The following EPC2 variants were observed in gnomAD, a reference collection of about 807,000 sequenced individuals.
EPC2 encodes the protein enhancer of polycomb 2, also known as enhancer of polycomb homolog 2.
A neutral mutation model predicts 92.1 loss-of-function variants in EPC2; 14 were observed. The ratio of observed to expected loss-of-function variants is 0.15; its 90% confidence interval spans 0.10 to 0.24. The LOEUF is 0.24. Among genes scored for constraint, EPC2 ranks in the 10% least tolerant of loss-of-function variants. EPC2 has a pLI of 1.00. For synonymous variants in EPC2, 340 were observed against 334.7 expected (o/e 1.02, Z -0.17); for missense variants, 755 against 971.5 (o/e 0.78, Z 2.96).
At chr2:148,770,521 T>C (rs1683496075) in intron 8 of EPC2, among the ~76,000 whole-genome samples, 2 of 152,228 alleles carry the variant, frequency 1.3e-5, no homozygotes, top group Non-Finnish European at 1.5e-5. Context: ...TTTTTAACTA[T>C]ATATTCCTTT....
chr2:148,765,266 T>A, intron 7 of EPC2, 120 bp downstream of exon 7: 1 of 593,806 alleles, frequency 1.7e-6, no homozygotes, highest in Non-Finnish European at 2.7e-6. Flanking sequence ...GTATATAGCA[T>A]AAACATTTCC....
chr2:148,663,591 GATT>G (rs1471452418), intron 1 of EPC2, among the ~76,000 whole-genome samples: 29 of 97,826 alleles, frequency 3.0e-4, no homozygotes, highest in Non-Finnish European at 4.6e-4. Flanking sequence ...TATAGATTAA[GATT>G]TTTTTTTTTT....
At chr2:148,756,985 G>A (rs1352943416) in intron 4 of EPC2, among the ~76,000 whole-genome samples, 1 of 152,228 alleles carries the variant, frequency 6.6e-6, no homozygotes, top group Non-Finnish European at 1.5e-5. Context: ...AGACGGTTGT[G>A]AGAAGGAGTA....
At chr2:148,705,949 A>G (rs539182280) in intron 2 of EPC2, among the ~76,000 whole-genome samples, 15 of 152,222 alleles carry the variant, frequency 9.9e-5, no homozygotes, top group Non-Finnish European at 1.8e-4. Flanking sequence ...TTCTCCTCCA[A>G]AGGATCACAG....
rs1265888203 is a variant in EPC2 at position 148,743,785 on chromosome 2, G to A, written c.459+18G>A. 37 of 1,504,924 alleles carry A rather than the reference G, an allele frequency of 2.5e-5. No homozygotes were observed. In the East Asian group the frequency reaches 9.2e-4, roughly 38 times the overall value. The allele number at this position is 1,504,924 out of a possible 1,614,324, so 93.2% of individuals were successfully genotyped here. On this transcript the variant is annotated intron_variant, in intron 3 of 13. Transcript: ENST00000258484. ...CTAATCAGGTACTGTACCATGTAAAGATGTCTCTTATCTTCTAGTTAACCC... is the reference window on the plus strand; with the variant it reads ...CTAATCAGGTACTGTACCATGTAAAAATGTCTCTTATCTTCTAGTTAACCC...
chr2:148,668,785 C>T (rs894743958), intron 1 of EPC2, among the ~76,000 whole-genome samples: 89 of 152,038 alleles, frequency 5.9e-4, no homozygotes, highest in African/African-American at 2.1e-3. Flanking sequence ...TTTTTTTCCC[C>T]CCTAATCTGG....
chr2:148,703,220 TTTAATTATTAGCCA>T (rs1189386781), intron 2 of EPC2, among the ~76,000 whole-genome samples: 2 of 152,212 alleles, frequency 1.3e-5, no homozygotes, highest in African/African-American at 4.8e-5. Context: ...ATCCTTAAGT[TTTAATTATTAGCCA>T]TTAATCCTTA....
At chr2:148,676,800 CTG>C (rs1331361702) in intron 1 of EPC2, among the ~76,000 whole-genome samples, 5 of 135,966 alleles carry the variant, frequency 3.7e-5, no homozygotes, top group Non-Finnish European at 6.4e-5. Context: ...CTCTCTCTCT[CTG>C]TCTCTCTTTT....
Position 148,699,963 on chromosome 2 carries a change from C to T in EPC2, c.313+9590C>T, listed in dbSNP as rs374401631. Reference sequence around the variant, plus strand: ...ATGGTATGTCACTGTTGTAATTTGCCGTTCCCTGATAACATAAGATGTTGA... The same window carrying T: ...ATGGTATGTCACTGTTGTAATTTGCTGTTCCCTGATAACATAAGATGTTGA... On this transcript the variant is annotated intron_variant, in intron 2 of 13. Transcript: ENST00000258484. Among the ~76,000 whole-genome samples the T allele has an allele frequency of 5.2e-3, 788 of 152,160 alleles. 12 individuals are homozygous for T. The highest frequency in any genetic ancestry group is 0.043 in the South Asian group (205 of 4,806).
rs1430692236 is a variant in EPC2 at position 148,765,150 on chromosome 2, C to T, written c.1140+4C>T. The T allele has an allele frequency of 1.3e-6, 2 of 1,523,158 alleles. No individual in the cohort carries two copies. Among genetic ancestry groups the T allele is most frequent in the South Asian group, 2.7e-5 (2 of 74,764 alleles). The allele number at this position is 1,523,158 out of a possible 1,614,324, so 94.4% of individuals were successfully genotyped here. On this transcript the variant is annotated splice_donor_region_variant and intron_variant, in intron 7 of 13. Transcript: ENST00000258484. ...AGATGAAGATGAATTTCCACAGGTGCTTGTTTTAAAATATTTTAAAGATAT... is the reference window on the plus strand; with the variant it reads ...AGATGAAGATGAATTTCCACAGGTGTTTGTTTTAAAATATTTTAAAGATAT...
Position 148,712,027 on chromosome 2 carries a change from T to C in EPC2, c.313+21654T>C, listed in dbSNP as rs534092182. On this transcript the variant is annotated intron_variant, in intron 2 of 13. Coordinates refer to ENST00000258484, the MANE Select transcript of EPC2 (RefSeq NM_015630.4). Reference sequence around the variant, plus strand: ...TCTTGTTTTTGTTCCACTCTGATGATCTCTTTCAGTTGGTGTATTTAGACC... The same window carrying C: ...TCTTGTTTTTGTTCCACTCTGATGACCTCTTTCAGTTGGTGTATTTAGACC... Among the ~76,000 whole-genome samples, 7 of 152,338 alleles carry C rather than the reference T, an allele frequency of 4.6e-5. No individual in the cohort carries two copies. In the South Asian group the frequency reaches 1.4e-3, roughly 32 times the overall value.
chr2:148,753,153 A>G (rs1027322791), intron 3 of EPC2, among the ~76,000 whole-genome samples: 13 of 152,152 alleles, frequency 8.5e-5, no homozygotes, highest in African/African-American at 3.1e-4. Context: ...GACCAAGCAA[A>G]TGTTTACAGC....
intron 12 of EPC2, among the ~76,000 whole-genome samples, chr2:148,784,208 C>T (rs1683814554): frequency 6.6e-6 from 1 of 152,146 alleles, no homozygotes; most frequent in African/African-American, 2.4e-5. Context: ...GCTGTGAAAC[C>T]CTGTGTGCTT....
chr2:148,706,321 A>G (rs1681998516), intron 2 of EPC2, among the ~76,000 whole-genome samples: 1 of 152,170 alleles, frequency 6.6e-6, no homozygotes, highest in African/African-American at 2.4e-5. Flanking sequence ...GAAATGAATA[A>G]AGCCTCCAAG....
intron 2 of EPC2, among the ~76,000 whole-genome samples, chr2:148,706,917 A>G (rs1390804629): frequency 6.6e-6 from 1 of 152,188 alleles, no homozygotes; most frequent in Non-Finnish European, 1.5e-5. Flanking sequence ...AAGACCATCG[A>G]TGCTAGGAAG....
intron 1 of EPC2, among the ~76,000 whole-genome samples, chr2:148,680,089 CTT>C (rs71406027): frequency 3.5e-5 from 5 of 141,438 alleles, no homozygotes; most frequent in Admixed American, 7.1e-5. Context: ...TCTCAAGCCC[CTT>C]TTTTTTTTTT....
At chr2:148,676,788 C>G (rs904170878) in intron 1 of EPC2, among the ~76,000 whole-genome samples, 29 of 150,736 alleles carry the variant, frequency 1.9e-4, no homozygotes, top group African/African-American at 7.1e-4. Context: ...CTCTCTCTCT[C>G]TCTCTCTCTC....
In EPC2 at chr2:148,769,191, C is replaced by T; in HGVS notation, c.1181C>T (p.Pro394Leu). 1 of 1,612,756 alleles carries T rather than the reference C, an allele frequency of 6.2e-7. No homozygotes were observed. The highest frequency in any genetic ancestry group is 1.3e-5 in the African/African-American group (1 of 75,028). The change falls in exon 8 of 14, where the codon CCT (proline) becomes CTT (leucine). Residue 394 changes from proline (P) to leucine (L), a missense_variant. This residue lies in a region of EPC2 where 509 missense variants were observed against 607.7 expected (regional missense o/e 0.84). Transcript: ENST00000258484. The stretch of plus-strand genomic sequence containing the variant: ...TCAGAACCGGAAGAAGAAAATGATC[C>T]TGATGGTCCCTGTGCTTTCAGAAGG... ...PVSEPEEENDPDGPCAFRRRA... is the reference protein window; with the variant it reads ...PVSEPEEENDLDGPCAFRRRA...
intron 10 of EPC2, 22 bp from the exon 11 acceptor site, chr2:148,781,622 C>T (rs1414812191): frequency 1.9e-6 from 3 of 1,593,938 alleles, no homozygotes; most frequent in East Asian, 2.3e-5. Flanking sequence ...TACTCATTTC[C>T]AAAATTCATG....
Sources: allele counts gnomAD v4.1 joint callset (sites outside exome capture counted in the v4.1 genomes callset), GRCh38; gene constraint gnomAD v4.1.1; regional missense constraint gnomAD v4.1.1; transcripts MANE v1.5; gene names NCBI Gene and HGNC (gene_info 2026-07-23, HGNC 2026-07-21).